The following MACROD2 variants were observed in gnomAD, a reference collection of about 807,000 sequenced individuals.
The protein encoded by MACROD2 is ADP-ribose glycohydrolase MACROD2.
Under a neutral mutation model 70.4 loss-of-function variants are expected in MACROD2, and 36 were observed. The observed-to-expected ratio is 0.51, with a 90% CI of 0.39 to 0.68. The LOEUF (loss-of-function observed/expected upper bound fraction) is 0.68, where lower values mean the gene tolerates loss of function less well. Among genes scored for constraint, MACROD2 ranks in the 30% least tolerant of loss-of-function variants. The pLI is 0.00. For missense variants in MACROD2, 496 were observed against 538.4 expected (o/e 0.92, Z 0.78); for synonymous variants, 172 against 178.8 (o/e 0.96, Z 0.30).
At chr20:15,772,102 AT>A (rs369739480) in intron 8 of MACROD2, among the ~76,000 whole-genome samples, 34,281 of 75,430 alleles carry the variant, frequency 0.45, 6,602 homozygotes, top group South Asian at 0.51. Flanking sequence ...AAAAAAAAAA[AT>A]ATATATATAT....
At position 14,802,807 on chromosome 20, in the gene MACROD2, C is replaced by G. The variant is rs1016228795; in HGVS notation, c.418+117848C>G. Among the ~76,000 whole-genome samples the G allele has an allele frequency of 7.3e-5, 11 of 150,148 alleles. 1 individual carries two copies. The highest frequency in any genetic ancestry group is 1.6e-4 in the Non-Finnish European group (11 of 67,462). ...ACACACACACACACACACACACATCCTTGGTGATTTCAAAAGAAATAATTG... is the reference window on the plus strand; with the variant it reads ...ACACACACACACACACACACACATCGTTGGTGATTTCAAAAGAAATAATTG... On this transcript the variant is annotated intron_variant, in intron 5 of 17. Transcript: ENST00000684519.
intron 5 of MACROD2, among the ~76,000 whole-genome samples, chr20:14,717,253 C>T (rs2071407402): frequency 6.6e-6 from 1 of 152,104 alleles, no homozygotes; most frequent in Admixed American, 6.5e-5. Flanking sequence ...CAGTTGTTTG[C>T]ATAATTGACA....
At chr20:15,047,752 G>C (rs1050345502) in intron 5 of MACROD2, among the ~76,000 whole-genome samples, 4 of 152,076 alleles carry the variant, frequency 2.6e-5, no homozygotes, top group African/African-American at 9.7e-5. Context: ...AGTGGCTAAG[G>C]CTTTTATTAC....
chr20:15,825,517 G>A (rs1456902761), intron 8 of MACROD2, among the ~76,000 whole-genome samples: 1 of 149,536 alleles, frequency 6.7e-6, no homozygotes, highest in Non-Finnish European at 1.5e-5. Context: ...TTTTTTTTTC[G>A]AGACAGAGCC....
intron 4 of MACROD2, among the ~76,000 whole-genome samples, chr20:14,539,307 T>C (rs2123227975): frequency 6.6e-6 from 1 of 152,360 alleles, no homozygotes; most frequent in Admixed American, 6.5e-5. Context: ...AGTTGACACC[T>C]CTTTTAGCTT....
chr20:14,270,848 C>G (rs538583280), intron 3 of MACROD2, among the ~76,000 whole-genome samples: 2 of 152,180 alleles, frequency 1.3e-5, no homozygotes, highest in South Asian at 2.1e-4. Context: ...TATCACACAC[C>G]TGGCTCAGAG....
chr20:15,557,874 C>T (rs2048189346), intron 8 of MACROD2, among the ~76,000 whole-genome samples: 1 of 152,134 alleles, frequency 6.6e-6, no homozygotes, highest in South Asian at 2.1e-4. Context: ...CTTTGTTCAT[C>T]CCCAGCCATG....
At chr20:15,531,648 A>C (rs1210842935) in intron 8 of MACROD2, among the ~76,000 whole-genome samples, 1 of 152,158 alleles carries the variant, frequency 6.6e-6, no homozygotes, top group Non-Finnish European at 1.5e-5. Context: ...AGATTGGAGA[A>C]ATACTCACTC....
At position 15,864,944 on chromosome 20, in the gene MACROD2, A is replaced by C. The variant is rs191206024; in HGVS notation, c.727+2118A>C. Among the ~76,000 whole-genome samples the C allele has an allele frequency of 6.6e-5, 10 of 152,288 alleles. No individual in the cohort carries two copies. In the East Asian group the frequency reaches 1.9e-3, roughly 29 times the overall value. ...TGAAATAAGCGTGATGTATGATGGA[A>C]TGTGACTACTAATATACATAATATA... On this transcript the variant is annotated intron_variant, in intron 9 of 17. Coordinates refer to ENST00000684519, the MANE Select transcript of MACROD2 (RefSeq NM_001351661.2).
At chr20:15,764,367 C>T (rs2051487871) in intron 8 of MACROD2, among the ~76,000 whole-genome samples, 1 of 152,054 alleles carries the variant, frequency 6.6e-6, no homozygotes, top group Admixed American at 6.6e-5. Flanking sequence ...CATTTAATAC[C>T]ACCTTGAAAT....
chr20:14,918,167 G>A (rs2074116516), intron 5 of MACROD2, among the ~76,000 whole-genome samples: 2 of 152,030 alleles, frequency 1.3e-5, no homozygotes, highest in African/African-American at 4.8e-5. Context: ...GTAGGGATGG[G>A]TTTTTGCTAT....
At chr20:15,514,180 A>G (rs1038287044) in intron 8 of MACROD2, among the ~76,000 whole-genome samples, 1 of 152,228 alleles carries the variant, frequency 6.6e-6, no homozygotes, top group Non-Finnish European at 1.5e-5. Flanking sequence ...ATATTAAAGA[A>G]ACAACATTTT....
intron 6 of MACROD2, among the ~76,000 whole-genome samples, chr20:15,327,647 C>T (rs934750866): frequency 6.6e-6 from 1 of 152,074 alleles, no homozygotes; most frequent in Non-Finnish European, 1.5e-5. Flanking sequence ...TCCCACAACA[C>T]ATGGGGGTTA....
chr20:15,647,790 G>T (rs1323283781), intron 8 of MACROD2, among the ~76,000 whole-genome samples: 2 of 149,902 alleles, frequency 1.3e-5, no homozygotes, highest in Non-Finnish European at 3.0e-5. Context: ...TGCAATCTTG[G>T]CTCACTGCAA....
At chr20:14,906,748 A>G (rs2073964389) in intron 5 of MACROD2, among the ~76,000 whole-genome samples, 2 of 152,204 alleles carry the variant, frequency 1.3e-5, no homozygotes, top group Non-Finnish European at 2.9e-5. Context: ...TCCAAGTATA[A>G]CATGTTATTT....
At chr20:14,794,449 T>A (rs2072487752) in intron 5 of MACROD2, among the ~76,000 whole-genome samples, 1 of 152,110 alleles carries the variant, frequency 6.6e-6, no homozygotes, top group South Asian at 2.1e-4. Flanking sequence ...GTTAAAATGG[T>A]TAGAAATATG....
At chr20:14,396,989 CTTTTTTT>C (rs372145747) in intron 3 of MACROD2, among the ~76,000 whole-genome samples, 1 of 97,002 alleles carries the variant, frequency 1.0e-5, no homozygotes, top group Admixed American at 1.6e-4. Context: ...AGACCATTTA[CTTTTTTT>C]TTTTTTTTTT....
chr20:14,895,647 T>TG (rs987562019), intron 5 of MACROD2: 14 of 152,044 alleles, frequency 9.2e-5, no homozygotes, highest in African/African-American at 3.4e-4. Flanking sequence ...GGGGAAAAGG[T>TG]GGGGAGGTAG....
intron 8 of MACROD2, among the ~76,000 whole-genome samples, chr20:15,765,960 GAGAA>G (rs1334874797): frequency 6.6e-6 from 1 of 152,158 alleles, no homozygotes; most frequent in African/African-American, 2.4e-5. Flanking sequence ...TGGAGAGAGA[GAGAA>G]AGAGAGAGAT....
Sources: gnomAD v4.1 joint callset for allele counts (sites outside exome capture counted in the v4.1 genomes callset) on GRCh38, gnomAD v4.1.1 for gene constraint, MANE v1.5 for transcripts, NCBI Gene and HGNC (gene_info 2026-07-23, HGNC 2026-07-21) for gene names.